Variants in TBC1D5 observed in about 807,000 individuals in gnomAD.
The protein encoded by TBC1D5 is TBC1 domain family member 5, also known as TBC1 domain family, member 5.
A neutral mutation model predicts 100.3 loss-of-function variants in TBC1D5; 75 were observed. The ratio of observed to expected loss-of-function variants is 0.75; its 90% CI spans 0.62 to 0.91. The LOEUF (loss-of-function observed/expected upper bound fraction) is 0.91. Ranked by LOEUF, TBC1D5 falls within the 40% of genes least tolerant of loss-of-function variation. The probability of loss-of-function intolerance (pLI) is 0.00; values close to 1 mark genes in which losing one functional copy is unlikely to be tolerated. For missense variants in TBC1D5, 910 were observed against 942.4 expected (o/e 0.97, Z 0.45); for synonymous variants, 323 against 325.6 (o/e 0.99, Z 0.09).
chr3:17,358,629 C>T (rs1307340779), intron 13 of TBC1D5, among the ~76,000 whole-genome samples: 2 of 152,106 alleles, frequency 1.3e-5, no homozygotes, highest in Non-Finnish European at 2.9e-5. Flanking sequence ...TTATCTCAGT[C>T]CCACTCATTT....
chr3:17,382,600 G>C (rs555299728), intron 9 of TBC1D5, among the ~76,000 whole-genome samples: 1 of 146,342 alleles, frequency 6.8e-6, no homozygotes, highest in Non-Finnish European at 1.5e-5. Context: ...TCACTCTTTC[G>C]CTCAGGCTAG....
chr3:17,565,443 T>C (rs962264444), intron 2 of TBC1D5, among the ~76,000 whole-genome samples: 6 of 152,130 alleles, frequency 3.9e-5, no homozygotes, highest in African/African-American at 1.2e-4. Flanking sequence ...GTACTACAAT[T>C]TTCTTTGGAA....
chr3:17,563,399 G>A (rs977661917), intron 2 of TBC1D5, among the ~76,000 whole-genome samples: 5 of 152,164 alleles, frequency 3.3e-5, no homozygotes, highest in South Asian at 2.1e-4. Flanking sequence ...AGGGTACAGT[G>A]AGAAGAGAAA....
At chr3:17,565,586 A>G (rs1437997811) in intron 2 of TBC1D5, among the ~76,000 whole-genome samples, 2 of 152,120 alleles carry the variant, frequency 1.3e-5, no homozygotes, top group Admixed American at 1.3e-4. Context: ...TCTGTTGACA[A>G]CAACAAATAG....
At chr3:17,225,455 A>C (rs1303158594) in intron 17 of TBC1D5, among the ~76,000 whole-genome samples, 1 of 151,060 alleles carries the variant, frequency 6.6e-6, no homozygotes, top group Non-Finnish European at 1.5e-5. Context: ...AAAAAAAAAA[A>C]ACAAAAAACA....
In TBC1D5 at chr3:17,446,083, T is replaced by C. The variant is rs138165683; in HGVS notation, c.98-17564A>G. Among the ~76,000 whole-genome samples, 242 of 152,348 alleles carry C rather than the reference T, an allele frequency of 1.6e-3. 2 individuals are homozygous for C. Among genetic ancestry groups the C allele is most frequent in the African/African-American group, 5.4e-3 (225 of 41,590 alleles). On this transcript the variant is annotated intron_variant, in intron 3 of 21. Transcript: ENST00000253692. ...AGAGTTCAAAATGAAATGGCTGATG[T>C]TCTCCTCTGTGGCATAAAAATATGT...
intron 15 of TBC1D5, among the ~76,000 whole-genome samples, chr3:17,276,551 A>C (rs984218659): frequency 1.3e-5 from 2 of 152,198 alleles, no homozygotes; most frequent in Admixed American, 1.3e-4. Flanking sequence ...CAGAGAGATG[A>C]CTTGGCTTTT....
At chr3:17,711,637 T>C (rs1391327071) in intron 1 of TBC1D5, among the ~76,000 whole-genome samples, 3 of 152,250 alleles carry the variant, frequency 2.0e-5, no homozygotes, top group Non-Finnish European at 4.4e-5. Context: ...GAAGAAACAC[T>C]ACATATTTTT....
intron 2 of TBC1D5, among the ~76,000 whole-genome samples, chr3:17,546,625 C>T (rs1192199570): frequency 4.0e-5 from 6 of 151,226 alleles, no homozygotes; most frequent in East Asian, 1.9e-4. Context: ...AAAAAATAAC[C>T]GGGCATGGCG....
intron 5 of TBC1D5, among the ~76,000 whole-genome samples, 176 bp downstream of exon 5, chr3:17,406,242 G>A (rs1295481980): frequency 1.3e-5 from 2 of 151,920 alleles, no homozygotes; most frequent in Middle Eastern, 3.2e-3. Flanking sequence ...TCAGGACTAA[G>A]GTAGTTCAAC....
chr3:17,249,907 C>G (rs2077046732), intron 16 of TBC1D5, among the ~76,000 whole-genome samples: 1 of 152,154 alleles, frequency 6.6e-6, no homozygotes, highest in African/African-American at 2.4e-5. Context: ...AGATTAACAT[C>G]AAAGCTCACT....
At chr3:17,612,313 A>AG (rs1355969823) in intron 2 of TBC1D5, among the ~76,000 whole-genome samples, 2 of 151,496 alleles carry the variant, frequency 1.3e-5, no homozygotes. Flanking sequence ...AAAAAAAAAA[A>AG]AAAGAATTGA....
chr3:17,169,046 T>A (rs1019353102), intron 19 of TBC1D5, among the ~76,000 whole-genome samples: 1 of 152,216 alleles, frequency 6.6e-6, no homozygotes, highest in Non-Finnish European at 1.5e-5. Flanking sequence ...TGCTCCAGTG[T>A]TGTTTCCTCA....
intron 2 of TBC1D5, among the ~76,000 whole-genome samples, chr3:17,510,377 T>C (rs2153232927): frequency 6.6e-6 from 1 of 152,176 alleles, no homozygotes; most frequent in South Asian, 2.1e-4. Context: ...TAATAAAACC[T>C]ATCCCCCTGG....
chr3:17,241,422 A>G (rs2076296954), intron 16 of TBC1D5, among the ~76,000 whole-genome samples: 1 of 152,204 alleles, frequency 6.6e-6, no homozygotes, highest in African/African-American at 2.4e-5. Context: ...AGCAAGAGGA[A>G]TTTGGAGTTA....
intron 1 of TBC1D5, among the ~76,000 whole-genome samples, chr3:17,702,931 A>C (rs2073414566): frequency 6.6e-6 from 1 of 152,160 alleles, no homozygotes; most frequent in African/African-American, 2.4e-5. Context: ...AAGGTCTTTA[A>C]ATAAGAAAAC....
Position 17,440,889 on chromosome 3 carries a change from G to A in TBC1D5, c.98-12370C>T, listed in dbSNP as rs375139667. 1.0e-3 allele frequency among the ~76,000 whole-genome samples: 159 copies of A among 152,090 alleles called. 2 individuals are homozygous for A. The South Asian group carries it at 0.018, about 17-fold the overall frequency. ...ACTCCTAGCCTCAAGTAATCCACCC[G>A]CCTTTGCCTCCCAAAGTGCTGGGAT... On this transcript the variant is annotated intron_variant, in intron 3 of 21. Transcript: ENST00000253692.
intron 13 of TBC1D5, among the ~76,000 whole-genome samples, chr3:17,322,995 T>C (rs1055218376): frequency 6.6e-6 from 1 of 152,126 alleles, no homozygotes; most frequent in African/African-American, 2.4e-5. Flanking sequence ...TTTTAAAAAG[T>C]TTAAAAACAA....
intron 3 of TBC1D5, among the ~76,000 whole-genome samples, chr3:17,507,469 A>C (rs73153071): frequency 0.069 from 10,495 of 152,192 alleles, 712 homozygotes; most frequent in African/African-American, 0.18. Context: ...AAAGCATAAA[A>C]ATTCTGCATA....
Sources: allele counts gnomAD v4.1 joint callset (sites outside exome capture counted in the v4.1 genomes callset), GRCh38; gene constraint gnomAD v4.1.1; transcripts MANE v1.5; gene names NCBI Gene and HGNC (gene_info 2026-07-23, HGNC 2026-07-21).